CLOCK: variants seen among roughly 807,000 people sequenced by gnomAD.
The protein encoded by CLOCK is circadian locomoter output cycles protein kaput.
In CLOCK, 43 loss-of-function variants were observed where a neutral mutation model predicts 118.4. The observed-to-expected ratio is 0.36, with a 90% CI of 0.28 to 0.47. The LOEUF is 0.47. CLOCK is among the 20% of genes least tolerant of loss of function. The probability of loss-of-function intolerance (pLI) is 1.00; values close to 1 mark genes in which losing one functional copy is unlikely to be tolerated. For synonymous variants in CLOCK, 326 were observed against 339.2 expected (o/e 0.96, Z 0.43); for missense variants, 846 against 999.9 (o/e 0.85, Z 2.08).
chr4:55,430,086 T>G lies in CLOCK; in HGVS notation c.*5329A>C, dbSNP rs756128471. The stretch of plus-strand genomic sequence containing the variant: ...TATTTTAAAATATAAATAAATACAT[T>G]TAGCCATTTTTATTCAAGAACCCCA... On this transcript the variant is annotated 3_prime_UTR_variant, in exon 23 of 23. Transcript: ENST00000513440. The G allele has an allele frequency of 7.9e-5, 12 of 152,230 alleles. No homozygotes were observed. The highest frequency in any genetic ancestry group is 1.6e-4 in the Non-Finnish European group (11 of 68,050). 9.4% of individuals were successfully genotyped at this position (152,230 alleles called of 1,614,324 possible).
At chr4:55,488,361 T>C (rs1009300004) in intron 3 of CLOCK, among the ~76,000 whole-genome samples, 3 of 152,182 alleles carry the variant, frequency 2.0e-5, no homozygotes, top group Non-Finnish European at 2.9e-5. Flanking sequence ...ACCCCTAGAA[T>C]AGATTGTCAA....
chr4:55,532,901 A>G (rs1730645812), intron 1 of CLOCK, among the ~76,000 whole-genome samples: 1 of 152,146 alleles, frequency 6.6e-6, no homozygotes, highest in Non-Finnish European at 1.5e-5. Flanking sequence ...TACTAGGAAT[A>G]AACTTAACCA....
chr4:55,459,248 T>TA lies in CLOCK; in HGVS notation c.572dup (p.Leu191PhefsTer21), dbSNP rs1243375076. 1 of 1,605,840 alleles carries TA rather than the reference T, an allele frequency of 6.2e-7. No individual in the cohort carries two copies. The highest frequency in any genetic ancestry group is 1.3e-5 in the African/African-American group (1 of 74,760). Reference sequence around the variant, plus strand: ...CTCGCAGCATGTGACAACAGAATTCTAACTGATTTTTTGCTGAAATAAAAG... The same window carrying TA: ...CTCGCAGCATGTGACAACAGAATTCTAAACTGATTTTTTGCTGAAATAAAAG... On this transcript the variant is annotated frameshift_variant, in exon 10 of 23. Coordinates refer to ENST00000513440, the MANE Select transcript of CLOCK (RefSeq NM_004898.4). LOFTEE classifies it high-confidence loss of function.
rs1722307160 is a variant in CLOCK, at chr4:55,427,996, T to TGAAATGCAGGTGATAAC, written c.*7418_*7419insGTTATCACCTGCATTTC. On this transcript the variant is annotated 3_prime_UTR_variant, in exon 23 of 23. Coordinates refer to ENST00000513440, the MANE Select transcript of CLOCK (RefSeq NM_004898.4). ...TGCCACATGAAGCAGGTGTTATTTT[T>TGAAATGCAGGTGATAAC]TGAGAAATGCAGGTGATAACTGAAA... 1.3e-5 allele frequency: 2 copies of TGAAATGCAGGTGATAAC among 152,344 alleles called. No individual in the cohort carries two copies. Among genetic ancestry groups the TGAAATGCAGGTGATAAC allele is most frequent in the Admixed American group, 1.3e-4 (2 of 15,304 alleles). 9.4% of individuals were successfully genotyped at this position (152,344 alleles called of 1,614,324 possible).
intron 1 of CLOCK, among the ~76,000 whole-genome samples, chr4:55,540,176 T>G (rs1401403819): frequency 6.6e-6 from 1 of 151,760 alleles, no homozygotes; most frequent in Admixed American, 6.6e-5. Flanking sequence ...CCCGGCTAAT[T>G]TTTGTACTTT....
At position 55,449,485 on chromosome 4, in the gene CLOCK, T is replaced by G. The variant is rs764525171; in HGVS notation, c.1360A>C (p.Lys454Gln). 2 of 1,613,880 alleles carry G rather than the reference T, an allele frequency of 1.2e-6. No individual in the cohort carries two copies. The highest frequency in any genetic ancestry group is 1.7e-5 in the Admixed American group (1 of 59,998). Reference protein sequence around the residue: ...AVSDPSSTPTKIPTDTSTPPR... With the variant: ...AVSDPSSTPTQIPTDTSTPPR... ...GGAGTGCTCGTATCCGTCGGGATCT[T>G]GGTTGGTGTTGCTGAAGTCAACAAA... The change falls in exon 17 of 23, where the codon AAG becomes CAG. Residue 454 changes from lysine (K) to glutamine (Q), a missense_variant. Lys to Gln is a moderately conservative substitution (Grantham distance 53). Around this residue, in one of 4 missense-constraint regions of CLOCK, gnomAD observed 520 missense variants for 558.0 expected, o/e 0.93. Coordinates refer to ENST00000513440, the MANE Select transcript of CLOCK (RefSeq NM_004898.4).
chr4:55,468,728 C>A (rs993172389), intron 8 of CLOCK, among the ~76,000 whole-genome samples: 7 of 152,072 alleles, frequency 4.6e-5, no homozygotes, highest in African/African-American at 1.7e-4. Context: ...TTTCAACAGG[C>A]TGATTAAAAT....
chr4:55,476,922 T>C (rs970710140), intron 6 of CLOCK, among the ~76,000 whole-genome samples: 5 of 152,178 alleles, frequency 3.3e-5, no homozygotes, highest in East Asian at 1.9e-4. Flanking sequence ...ATTCTGATTT[T>C]ATCATCAGAT....
Position 55,537,600 on chromosome 4 carries a change from C to T in CLOCK, c.-290+9182G>A, listed in dbSNP as rs373067143. On this transcript the variant is annotated intron_variant, in intron 1 of 22. Transcript: ENST00000513440. The stretch of plus-strand genomic sequence containing the variant: ...GGCCACTGCACTAAAGCCTAGGCAA[C>T]GGAGTGAGACCCAGTCTCAAAAAAA... Among the ~76,000 whole-genome samples, 16 of 151,890 alleles carry T rather than the reference C, an allele frequency of 1.1e-4. No homozygotes were observed. In the East Asian group the frequency reaches 1.9e-3, roughly 18 times the overall value.
intron 2 of CLOCK, among the ~76,000 whole-genome samples, chr4:55,498,070 C>CT (rs2109977597): frequency 7.1e-6 from 1 of 141,668 alleles, no homozygotes; most frequent in South Asian, 2.4e-4. Flanking sequence ...TTAAGTAGTA[C>CT]TTTGACAATG....
intron 8 of CLOCK, among the ~76,000 whole-genome samples, chr4:55,466,127 CATGGGAGGGGCTGA>C (rs1174320901): frequency 2.0e-5 from 3 of 152,120 alleles, no homozygotes; most frequent in African/African-American, 7.2e-5. Flanking sequence ...CCCCATGTGT[CATGGGAGGGGCTGA>C]GTGGGAGGTG....
chr4:55,450,046 G>T (rs1724279946), intron 16 of CLOCK, 45 bp downstream of exon 16: 1 of 1,602,640 alleles, frequency 6.2e-7, no homozygotes, highest in African/African-American at 1.3e-5. Flanking sequence ...TAAAAGTTTA[G>T]TTAGTTACTT....
intron 2 of CLOCK, among the ~76,000 whole-genome samples, chr4:55,492,759 C>T (rs1161075324): frequency 6.6e-6 from 1 of 152,084 alleles, no homozygotes; most frequent in Non-Finnish European, 1.5e-5. Flanking sequence ...GCAGGAGAAT[C>T]GCTTGAACCC....
At chr4:55,461,454 T>A (rs1302086312) in intron 9 of CLOCK, among the ~76,000 whole-genome samples, 1 of 152,178 alleles carries the variant, frequency 6.6e-6, no homozygotes, top group African/African-American at 2.4e-5. Flanking sequence ...GCAAAACAGC[T>A]GTTACAGGAA....
rs150012219 is a variant in CLOCK at position 55,444,740 on chromosome 4, G to C, written c.1585C>G (p.Gln529Glu). The C allele has an allele frequency of 6.8e-6, 11 of 1,613,846 alleles. No homozygotes were observed. The African/African-American group carries it at 1.2e-4, about 18-fold the overall frequency. The change falls in exon 19 of 23, where the codon CAA becomes GAA. Residue 529 changes from glutamine (Q) to glutamate (E), a missense_variant. By Grantham distance (29) the Gln-to-Glu change is conservative. Around this residue, in one of 4 missense-constraint regions of CLOCK, gnomAD observed 520 missense variants for 558.0 expected, o/e 0.93. Coordinates refer to ENST00000513440, the MANE Select transcript of CLOCK (RefSeq NM_004898.4). The stretch of plus-strand genomic sequence containing the variant: ...ATCATGCGTGTCCGTTGTTCCAATT[G>C]GTCTTTCAGATGTTGCATGGCTCCT... ...QLGAMQHLKDQLEQRTRMIEA... is the reference protein window; with the variant it reads ...QLGAMQHLKDELEQRTRMIEA...
intron 20 of CLOCK, 101 bp downstream of exon 20, chr4:55,443,586 T>C: frequency 1.1e-6 from 1 of 921,050 alleles, no homozygotes; most frequent in South Asian, 1.4e-5. Context: ...CTATTAAATT[T>C]TGAAATGATA....
At chr4:55,470,644 C>T (rs942003890) in intron 8 of CLOCK, 73 bp downstream of exon 8, 31 of 1,060,118 alleles carry the variant, frequency 2.9e-5, no homozygotes, top group Admixed American at 5.3e-5. Flanking sequence ...TCTCAAAGTC[C>T]ACTTCCCAGT....
At chr4:55,492,407 A>C (rs1451313323) in intron 2 of CLOCK, among the ~76,000 whole-genome samples, 1 of 151,642 alleles carries the variant, frequency 6.6e-6, no homozygotes, top group Non-Finnish European at 1.5e-5. Flanking sequence ...GAATTTATAA[A>C]CCAAGAAAAG....
intron 1 of CLOCK, 120 bp downstream of exon 1, chr4:55,546,662 A>C (rs1239579332): frequency 1.1e-5 from 1 of 88,790 alleles, no homozygotes; most frequent in Non-Finnish European, 2.2e-5. Context: ...TCCTGTGGCC[A>C]GCTCCTCCTC....
Sources: gnomAD v4.1 joint callset for allele counts (sites outside exome capture counted in the v4.1 genomes callset) on GRCh38, gnomAD v4.1.1 for gene constraint, gnomAD v4.1.1 regional missense constraint, MANE v1.5 for transcripts, NCBI Gene and HGNC (gene_info 2026-07-23, HGNC 2026-07-21) for gene names.